The following HIP1R variants were observed in gnomAD, a reference collection of about 807,000 sequenced individuals.
HIP1R encodes huntingtin interacting protein 1 related, also known as huntingtin-interacting protein 1-related protein.
HIP1R carries 135 observed loss-of-function variants against 144.2 expected under a neutral mutation model. The ratio of observed to expected loss-of-function variants is 0.94; its 90% CI spans 0.81 to 1.08. The LOEUF is 1.08. Among genes scored for constraint, HIP1R ranks in the 50% least tolerant of loss-of-function variants. HIP1R has a pLI of 0.00. For missense variants in HIP1R, 1,462 were observed against 1,432.8 expected (o/e 1.02, Z -0.33); for synonymous variants, 698 against 612.8 (o/e 1.14, Z -2.05).
chr12:122,854,068 C>T lies in HIP1R; in HGVS notation c.603C>T (p.Ile201=), dbSNP rs762232461. 1.1e-5 allele frequency: 18 copies of T among 1,613,784 alleles called. No individual in the cohort carries two copies. Among genetic ancestry groups the T allele is most frequent in the African/African-American group, 4.0e-5 (3 of 75,044 alleles). Residue 201 remains isoleucine (I), a synonymous_variant, in exon 8 of 32, where the codon ATC becomes ATT. Coordinates refer to ENST00000253083, the MANE Select transcript of HIP1R (RefSeq NM_003959.3). ...TTTTCCGACAGCTCAACACGGCCAT[C>T]GCCGTATCCCAGATGTCCTCAGGCC... ...ESVFRQLNTA[I]AVSQMSSGQC...
chr12:122,857,477 T>C, intron 18 of HIP1R: 1 of 567,984 alleles, frequency 1.8e-6, no homozygotes, highest in South Asian at 2.0e-5. Flanking sequence ...TGTTCATCAC[T>C]TGGTGGACAT....
At chr12:122,848,912 T>C in intron 4 of HIP1R, 60 bp downstream of exon 4, 1 of 1,560,316 alleles carries the variant, frequency 6.4e-7, no homozygotes, top group African/African-American at 1.4e-5. Flanking sequence ...CGTGTGGGGC[T>C]GAGCGAAGGG....
chr12:122,839,087 C>T (rs2032985628), intron 1 of HIP1R, among the ~76,000 whole-genome samples: 1 of 152,204 alleles, frequency 6.6e-6, no homozygotes, highest in Non-Finnish European at 1.5e-5. Flanking sequence ...CATAGAAGGG[C>T]CTCAGCAGAT....
At position 122,854,949 on chromosome 12, in the gene HIP1R, G is replaced by A. The variant is rs200700898; in HGVS notation, c.763G>A (p.Glu255Lys). 417 of 1,612,072 alleles carry A rather than the reference G, an allele frequency of 2.6e-4. 1 individual carries two copies. Among genetic ancestry groups the A allele is most frequent in the Non-Finnish European group, 3.2e-4 (381 of 1,179,448 alleles). The change falls in exon 9 of 32, where the codon GAG becomes AAG. Residue 255 changes from glutamate to lysine, a missense_variant. Transcript: ENST00000253083. ...TLQGHRDRFH[E>K]QFHSLRNFFR... is the part of the protein sequence containing the mutation. ...GCAAGGCCACAGGGACCGGTTCCAC[G>A]AGCAGTTTCACAGGTACTGCCTGGG...
Position 122,855,417 on chromosome 12 carries a change from G to T in HIP1R, c.993+12G>T. The T allele has an allele frequency of 6.4e-7, 1 of 1,555,976 alleles. No homozygotes were observed. Among genetic ancestry groups the T allele is most frequent in the African/African-American group, 1.4e-5 (1 of 73,398 alleles). On this transcript the variant is annotated intron_variant, in intron 11 of 31. Coordinates refer to ENST00000253083, the MANE Select transcript of HIP1R (RefSeq NM_003959.3). ...CGGGGGAGCCAGTGGTGAGCCCCCT[G>T]CCCAGCCCGTGTCCCCCAGTCCTCC... is the stretch of plus-strand genomic sequence containing the variant.
rs918067547 is a variant in HIP1R, at chr12:122,855,819, C to T, written c.1056-12C>T. On this transcript the variant is annotated splice_polypyrimidine_tract_variant and intron_variant, in intron 12 of 31. Coordinates refer to ENST00000253083, the MANE Select transcript of HIP1R (RefSeq NM_003959.3). ...GTTGACTTAACTTGAACCCCAGGACCTCTGTCCCCAGGGACCTCCAGATTG... is the reference window on the plus strand; with the variant it reads ...GTTGACTTAACTTGAACCCCAGGACTTCTGTCCCCAGGGACCTCCAGATTG... 1.3e-6 allele frequency: 2 copies of T among 1,558,034 alleles called. No individual in the cohort carries two copies. Among genetic ancestry groups the T allele is most frequent in the Middle Eastern group, 1.7e-4 (1 of 5,992 alleles).
At chr12:122,845,481 T>C (rs1343634567) in intron 1 of HIP1R, among the ~76,000 whole-genome samples, 1 of 152,202 alleles carries the variant, frequency 6.6e-6, no homozygotes, top group African/African-American at 2.4e-5. Flanking sequence ...CAGGCAGCAC[T>C]GAGGCCCAGG....
chr12:122,855,688 G>A, intron 12 of HIP1R, 76 bp downstream of exon 12: 1 of 1,529,266 alleles, frequency 6.5e-7, no homozygotes. Flanking sequence ...GGACAGTTCT[G>A]TCTGGAAAGG....
At chr12:122,835,667 C>T in intron 1 of HIP1R, 24 bp downstream of exon 1, 1 of 826,968 alleles carries the variant, frequency 1.2e-6, no homozygotes, top group Non-Finnish European at 1.4e-6. Flanking sequence ...GGGCGGCGGG[C>T]GGCGGGCGGC....
rs1593892672 is a variant in HIP1R at position 122,860,851 on chromosome 12, A to T, written c.2767-65A>T. On this transcript the variant is annotated intron_variant, in intron 28 of 31. Coordinates refer to ENST00000253083, the MANE Select transcript of HIP1R (RefSeq NM_003959.3). ...CAGCTTGGCCTGGGCTGTGGCTGCCAAGCCCAGGCCTGCTGCTGCCCTGAG... is the reference window on the plus strand; with the variant it reads ...CAGCTTGGCCTGGGCTGTGGCTGCCTAGCCCAGGCCTGCTGCTGCCCTGAG... The T allele has an allele frequency of 1.8e-5, 28 of 1,596,586 alleles. 1 individual carries two copies. The South Asian group carries it at 2.8e-4, about 16-fold the overall frequency.
At position 122,856,685 on chromosome 12, in the gene HIP1R, G is replaced by T. The variant is rs2033592581; in HGVS notation, c.1579G>T (p.Glu527Ter). ...GAGGGAGCTGGAGGCCAAGGCCGGA[G>T]AGCTGGCCCGCGCGCAGGAGGCCCT... Reference protein sequence around the residue: ...LKRELEAKAGELARAQEALSH... With the variant: ...LKRELEAKAG The change falls in exon 17 of 32, where the codon GAG becomes TAG. Residue 527 changes from glutamate (E) to a stop codon, truncating the protein, a stop_gained. Transcript: ENST00000253083. LOFTEE classifies it high-confidence loss of function. 2 of 1,597,686 alleles carry T rather than the reference G, an allele frequency of 1.3e-6. No homozygotes were observed. Among genetic ancestry groups the T allele is most frequent in the Non-Finnish European group, 1.7e-6 (2 of 1,172,680 alleles).
At position 122,835,611 on chromosome 12, in the gene HIP1R, G is replaced by T; in HGVS notation, c.61G>T (p.Glu21Ter). ...VLSRRPGHSL[E>*]AEREQFDKTQ... Reference sequence around the variant, plus strand: ...GAGCCGCAGGCCGGGCCACAGCCTGGAGGCCGAGCGCGAGCAGTTCGACAA... The same window carrying T: ...GAGCCGCAGGCCGGGCCACAGCCTGTAGGCCGAGCGCGAGCAGTTCGACAA... The change falls in exon 1 of 32, where the codon GAG becomes TAG. Residue 21 changes from glutamate (E) to a stop codon, truncating the protein, a stop_gained. Transcript: ENST00000253083. LOFTEE classifies it high-confidence loss of function. 7.6e-7 allele frequency: 1 copy of T among 1,318,884 alleles called. No homozygotes were observed. Among genetic ancestry groups the T allele is most frequent in the Non-Finnish European group, 9.8e-7 (1 of 1,025,428 alleles). 81.7% of individuals were successfully genotyped at this position (1,318,884 alleles called of 1,614,324 possible). A position where few individuals can be genotyped will look rare whatever the true frequency, so the allele number is the denominator to read the frequency against.
At chr12:122,857,809 TGTGTTTCCCTGATAGCAAAGG>T in intron 18 of HIP1R, 1 of 360,824 alleles carries the variant, frequency 2.8e-6, no homozygotes, top group Non-Finnish European at 5.0e-6. Flanking sequence ...GGTCTTGATT[TGTGTTTCCCTGATAGCAAAGG>T]GTGCTACATA....
chr12:122,862,220 C>CCTGT lies in HIP1R; in HGVS notation c.*472_*475dup, dbSNP rs2033791288. ...GGCTGATGGGACGAGGGTCAGGCAT[C>CCTGT]CTGTCTGTGGCCTTCTGGGGCACCG... On this transcript the variant is annotated 3_prime_UTR_variant, in exon 32 of 32. Transcript: ENST00000253083. The CCTGT allele has an allele frequency of 6.2e-6, 1 of 162,142 alleles. No individual in the cohort carries two copies. The highest frequency in any genetic ancestry group is 6.3e-5 in the Admixed American group (1 of 15,896). The allele number at this position is 162,142 out of a possible 1,614,324, so 10.0% of individuals were successfully genotyped here. A position where few individuals can be genotyped will look rare whatever the true frequency, so the allele number is the denominator to read the frequency against.
Position 122,859,581 on chromosome 12 carries a change from G to A in HIP1R, c.2406+45G>A, listed in dbSNP as rs200111958. On this transcript the variant is annotated intron_variant, in intron 23 of 31. Transcript: ENST00000253083. ...ACTCCCCTCATTCCTGTGGAGCTTT[G>A]GGGGCCGGAGGCCCCAACTGGGCTG... 3.3e-6 allele frequency: 5 copies of A among 1,501,536 alleles called. No individual in the cohort carries two copies. The East Asian group carries it at 1.1e-4, about 34-fold the overall frequency. The allele number at this position is 1,501,536 out of a possible 1,614,324, so 93.0% of individuals were successfully genotyped here. A position where few individuals can be genotyped will look rare whatever the true frequency, so the allele number is the denominator to read the frequency against.
chr12:122,859,403 T>A (rs1204856967), intron 22 of HIP1R, 23 bp from the exon 23 acceptor site: 3 of 1,589,120 alleles, frequency 1.9e-6, no homozygotes, highest in Non-Finnish European at 2.6e-6. Context: ...AGGCTACCCC[T>A]GTCTGACTCC....
At chr12:122,841,144 C>T (rs1593860159) in intron 1 of HIP1R, among the ~76,000 whole-genome samples, 1 of 151,994 alleles carries the variant, frequency 6.6e-6, no homozygotes, top group East Asian at 1.9e-4. Flanking sequence ...CCCCGCCCAA[C>T]TTGGTAATCT....
rs1195031901 is a variant in HIP1R at position 122,855,393 on chromosome 12, G to C, written c.981G>C (p.Ala327=). The C allele has an allele frequency of 4.5e-6, 7 of 1,570,168 alleles. No homozygotes were observed. The highest frequency in any genetic ancestry group is 1.9e-5 in the Admixed American group (1 of 53,466). ...NLIEISTGPP[A]GEPVVVADLF... is the part of the protein sequence containing the mutation. ...TTGAGATCAGCACAGGGCCCCCCGC[G>C]GGGGAGCCAGTGGTGAGCCCCCTGC... is the stretch of plus-strand genomic sequence containing the variant. Residue 327 remains alanine (A), a synonymous_variant, in exon 11 of 32, where the codon GCG becomes GCC. Transcript: ENST00000253083.
intron 31 of HIP1R, 46 bp downstream of exon 31, chr12:122,861,560 T>C: frequency 2.5e-6 from 4 of 1,583,364 alleles, no homozygotes; most frequent in Non-Finnish European, 3.4e-6. Flanking sequence ...GGGGGTGCTG[T>C]CCCCAGCCCT....
Sources: gnomAD v4.1 joint callset for allele counts (sites outside exome capture counted in the v4.1 genomes callset) on GRCh38, gnomAD v4.1.1 for gene constraint, MANE v1.5 for transcripts, NCBI Gene and HGNC (gene_info 2026-07-23, HGNC 2026-07-21) for gene names.